PIP5K1C: variants seen among roughly 807,000 people sequenced by gnomAD.
The protein encoded by PIP5K1C is phosphatidylinositol-4-phosphate 5-kinase type 1 gamma.
PIP5K1C carries 45 observed loss-of-function variants against 80.1 expected under a neutral mutation model. That is an observed-to-expected ratio of 0.56 (90% confidence interval 0.44 to 0.72). The LOEUF (loss-of-function observed/expected upper bound fraction) is 0.72, where lower values mean the gene tolerates loss of function less well. Among genes scored for constraint, PIP5K1C ranks in the 30% least tolerant of loss-of-function variants. The pLI is 0.00. For missense variants in PIP5K1C, 753 were observed against 954.6 expected (o/e 0.79, Z 2.78); for synonymous variants, 498 against 420.1 (o/e 1.19, Z -2.27).
At chr19:3,636,948 T>A in intron 16 of PIP5K1C, 1 of 1,013,266 alleles carries the variant, frequency 9.9e-7, no homozygotes, top group South Asian at 3.9e-5. Context: ...GGGGACCTCC[T>A]TGAGAGCTTG....
intron 16 of PIP5K1C, among the ~76,000 whole-genome samples, chr19:3,634,107 C>A (rs2033574608): frequency 6.6e-6 from 1 of 152,134 alleles, no homozygotes; most frequent in Non-Finnish European, 1.5e-5. Flanking sequence ...CCAGGAGACG[C>A]CTTCCTGAGC....
intron 1 of PIP5K1C, among the ~76,000 whole-genome samples, chr19:3,678,879 GGGAGGGAT>G (rs2035501088): frequency 1.4e-5 from 2 of 138,820 alleles, no homozygotes; most frequent in Admixed American, 1.4e-4. Flanking sequence ...GCAGGATGGA[GGGAGGGAT>G]GGCGGGATGG....
At position 3,688,480 on chromosome 19, in the gene PIP5K1C, G is replaced by A. The variant is rs565097632; in HGVS notation, c.94+11817C>T. Among the ~76,000 whole-genome samples, 117 of 152,236 alleles carry A rather than the reference G, an allele frequency of 7.7e-4. No individual in the cohort carries two copies. The highest frequency in any genetic ancestry group is 2.6e-3 in the African/African-American group (109 of 41,544). On this transcript the variant is annotated intron_variant, in intron 1 of 17. Transcript: ENST00000335312. The surrounding 1 kb of genome is among the most constrained non-coding windows in gnomAD (Gnocchi z 5.3). Reference sequence around the variant, plus strand: ...ACCCCCAGGACTCTGGGGCACACACGTCCCCAGGCAGCTCCGGTGAGGCCA... The same window carrying A: ...ACCCCCAGGACTCTGGGGCACACACATCCCCAGGCAGCTCCGGTGAGGCCA...
At chr19:3,671,738 G>A (rs1045927814) in intron 1 of PIP5K1C, among the ~76,000 whole-genome samples, 3 of 152,256 alleles carry the variant, frequency 2.0e-5, no homozygotes, top group Admixed American at 6.5e-5. Flanking sequence ...TGCTGCCACC[G>A]CCTGCCCAGG....
Position 3,632,915 on chromosome 19 carries a change from G to A in PIP5K1C, c.*252C>T. 1 of 519,290 alleles carries A rather than the reference G, an allele frequency of 1.9e-6. No individual in the cohort carries two copies. The highest frequency in any genetic ancestry group is 3.4e-6 in the Non-Finnish European group (1 of 294,694). 32.2% of individuals were successfully genotyped at this position (519,290 alleles called of 1,614,324 possible). On this transcript the variant is annotated 3_prime_UTR_variant, in exon 18 of 18. Coordinates refer to ENST00000335312, the MANE Select transcript of PIP5K1C (RefSeq NM_012398.3). ...GTGCTTCCGTCTCTGTGCCAAATAAGGACTCAAATGCGATTGGCCGCTCGG... is the reference window on the plus strand; with the variant it reads ...GTGCTTCCGTCTCTGTGCCAAATAAAGACTCAAATGCGATTGGCCGCTCGG...
At chr19:3,651,472 C>T (rs916541522) in intron 8 of PIP5K1C, among the ~76,000 whole-genome samples, 1 of 152,256 alleles carries the variant, frequency 6.6e-6, no homozygotes, top group African/African-American at 2.4e-5. Flanking sequence ...GCCTTCCACA[C>T]CTTTGTGGCC....
chr19:3,700,135 C>T (rs1337244142), intron 1 of PIP5K1C, among the ~76,000 whole-genome samples, 162 bp downstream of exon 1: 1 of 151,506 alleles, frequency 6.6e-6, no homozygotes, highest in Non-Finnish European at 1.5e-5. Context: ...GGCTTCAGCC[C>T]CGTCCTCCCC....
chr19:3,655,326 G>A lies in PIP5K1C; in HGVS notation c.621+1079C>T, dbSNP rs548534183. Among the ~76,000 whole-genome samples, 225 of 147,044 alleles carry A rather than the reference G, an allele frequency of 1.5e-3. 1 individual carries two copies. The highest frequency in any genetic ancestry group is 5.5e-3 in the African/African-American group (219 of 39,656). On this transcript the variant is annotated intron_variant, in intron 6 of 17. Coordinates refer to ENST00000335312, the MANE Select transcript of PIP5K1C (RefSeq NM_012398.3). ...CCAGCTACTCGGGAGGCTGAGGCAG[G>A]AGAATGGCTTGAACCCAGGAGGGGG...
chr19:3,658,521 AC>A (rs2034717082), intron 5 of PIP5K1C, among the ~76,000 whole-genome samples: 1 of 152,188 alleles, frequency 6.6e-6, no homozygotes, highest in South Asian at 2.1e-4. Flanking sequence ...CCTCCCAGAC[AC>A]AGGCGCAGCA....
chr19:3,656,298 C>T (rs913148106), intron 6 of PIP5K1C, 107 bp downstream of exon 6: 202 of 1,294,636 alleles, frequency 1.6e-4, no homozygotes, highest in South Asian at 1.4e-3. Flanking sequence ...CCTCTCACCA[C>T]GCCCCAAGGA....
rs754459675 is a variant in PIP5K1C at position 3,633,468 on chromosome 19, G to C, written c.1973C>G (p.Ala658Gly). 2 of 1,510,886 alleles carry C rather than the reference G, an allele frequency of 1.3e-6. No individual in the cohort carries two copies. Among genetic ancestry groups the C allele is most frequent in the South Asian group, 1.3e-5 (1 of 74,320 alleles). 93.6% of individuals were successfully genotyped at this position (1,510,886 alleles called of 1,614,324 possible). The change falls in exon 17 of 18, where the codon GCC becomes GGC. Residue 658 changes from alanine (A) to glycine (G), a missense_variant. Physicochemically the swap from Ala to Gly is moderately conservative, Grantham distance 60. Around this residue, in one of 6 missense-constraint regions of PIP5K1C, gnomAD observed 315 missense variants for 294.5 expected, o/e 1.07. Coordinates refer to ENST00000335312, the MANE Select transcript of PIP5K1C (RefSeq NM_012398.3). Reference protein sequence around the residue: ...VYSPLHYSAQAPPASDGESDT With the variant: ...VYSPLHYSAQGPPASDGESDT ...GCTCTCGCCGTCGGAGGCCGGGGGG[G>C]CCTGGGCGCTATAGTGGAGCGGGGA...
chr19:3,671,767 G>A (rs570371709), intron 1 of PIP5K1C, among the ~76,000 whole-genome samples: 9 of 152,266 alleles, frequency 5.9e-5, no homozygotes, highest in Admixed American at 2.6e-4. Context: ...GCAGGTGAGC[G>A]CCATCTTCAC....
intron 5 of PIP5K1C, among the ~76,000 whole-genome samples, chr19:3,658,652 C>T (rs2034722452): frequency 1.3e-5 from 2 of 152,346 alleles, no homozygotes; most frequent in South Asian, 2.1e-4. Context: ...CCCAAGCAGC[C>T]GGAGTGTCCC....
Position 3,638,993 on chromosome 19 carries a change from G to C in PIP5K1C, c.1811C>G (p.Ala604Gly), listed in dbSNP as rs770325363. 6.2e-7 allele frequency: 1 copy of C among 1,611,370 alleles called. No homozygotes were observed. The highest frequency in any genetic ancestry group is 2.2e-5 in the East Asian group (1 of 44,838). ...AGTTTCTACTTCAACAGCAGCAGAG[G>C]CACCGGCCGGGGAAGCCTCCACCCT... ...DAGVEASPAG[A>G]SAAVEVETAS... The change falls in exon 16 of 18, where the codon GCC (alanine) becomes GGC (glycine). Residue 604 changes from alanine (A) to glycine (G), a missense_variant. Physicochemically the swap from Ala to Gly is moderately conservative, Grantham distance 60 (BLOSUM62 0). Around this residue, in one of 6 missense-constraint regions of PIP5K1C, gnomAD observed 315 missense variants for 294.5 expected, o/e 1.07. Transcript: ENST00000335312.
intron 11 of PIP5K1C, among the ~76,000 whole-genome samples, 187 bp downstream of exon 11, chr19:3,645,787 C>T (rs542635542): frequency 4.1e-4 from 62 of 152,346 alleles, no homozygotes; most frequent in African/African-American, 1.5e-3. Context: ...CGTGCTCTAC[C>T]GCTGTGCAGA....
chr19:3,657,267 T>C (rs1055565698), intron 5 of PIP5K1C, among the ~76,000 whole-genome samples: 4 of 152,186 alleles, frequency 2.6e-5, no homozygotes, highest in African/African-American at 9.7e-5. Context: ...AGAAGGTCCG[T>C]GCAGGTGGAA....
intron 17 of PIP5K1C, 125 bp from the exon 18 acceptor site, chr19:3,633,294 C>T (rs1436411963): frequency 2.9e-6 from 2 of 680,708 alleles, no homozygotes; most frequent in African/African-American, 1.8e-5. Context: ...CACCTCAGAG[C>T]CAGAGAGCCC....
intron 1 of PIP5K1C, among the ~76,000 whole-genome samples, chr19:3,683,935 C>T (rs553206744): frequency 6.8e-6 from 1 of 147,002 alleles, no homozygotes; most frequent in Non-Finnish European, 1.5e-5. Context: ...ACACCCCCCC[C>T]ACGCTGGAGC....
At chr19:3,653,189 C>A in intron 7 of PIP5K1C, 101 bp downstream of exon 7, 1 of 1,099,730 alleles carries the variant, frequency 9.1e-7, no homozygotes, top group South Asian at 1.3e-5. Context: ...GGCAGGTGGG[C>A]CTCGGCCTGG....
Sources: gnomAD v4.1 joint callset for allele counts (sites outside exome capture counted in the v4.1 genomes callset) on GRCh38, gnomAD v4.1.1 for gene constraint, gnomAD v4.1.1 regional missense constraint, Gnocchi (gnomAD v3.1) non-coding constraint, MANE v1.5 for transcripts, NCBI Gene and HGNC (gene_info 2026-07-23, HGNC 2026-07-21) for gene names.